The following EPHX2 variants were observed in gnomAD, a reference collection of about 807,000 sequenced individuals.
The protein encoded by EPHX2 is epoxide hydrolase 2.
In EPHX2, 74 loss-of-function variants were observed where a neutral mutation model predicts 78.7. The ratio of observed to expected loss-of-function variants is 0.94; its 90% CI spans 0.78 to 1.14. EPHX2 has a LOEUF of 1.14. EPHX2 is among the 50% of genes most tolerant of loss of function. The probability of loss-of-function intolerance (pLI) is 0.00; values close to 1 mark genes in which losing one functional copy is unlikely to be tolerated. For missense variants in EPHX2, 715 were observed against 702.5 expected (o/e 1.02, Z -0.20); for synonymous variants, 251 against 255.2 (o/e 0.98, Z 0.16).
intron 11 of EPHX2, among the ~76,000 whole-genome samples, 183 bp from the exon 12 acceptor site, chr8:27,525,179 C>A (rs1007831223): frequency 6.6e-6 from 1 of 150,874 alleles, no homozygotes; most frequent in African/African-American, 2.4e-5. Context: ...AGGAAAAAAA[C>A]CAATGGACTA....
At chr8:27,526,373 C>G (rs1205088855) in intron 12 of EPHX2, among the ~76,000 whole-genome samples, 1 of 152,232 alleles carries the variant, frequency 6.6e-6, no homozygotes, top group Admixed American at 6.5e-5. Flanking sequence ...TTGAAGAGAC[C>G]TCGACATGTC....
rs370696658 is a variant in EPHX2, at chr8:27,518,013, A to T, written c.911-25A>T. The T allele has an allele frequency of 1.7e-5, 26 of 1,557,860 alleles. No homozygotes were observed. The African/African-American group carries it at 3.3e-4, about 20-fold the overall frequency. ...ATATTTTAAGTAACGTGAATTAAAT[A>T]TGTTTCTTTTATTTTTAATTGCAGA... On this transcript the variant is annotated intron_variant, in intron 8 of 18. Coordinates refer to ENST00000521400, the MANE Select transcript of EPHX2 (RefSeq NM_001979.6).
At chr8:27,496,620 C>T (rs545342500) in intron 1 of EPHX2, among the ~76,000 whole-genome samples, 137 of 152,308 alleles carry the variant, frequency 9.0e-4, no homozygotes, top group African/African-American at 3.2e-3. Flanking sequence ...ACTGAACGTT[C>T]GGTTTTTGTA....
chr8:27,503,712 A>G lies in EPHX2; in HGVS notation c.295A>G (p.Arg99Gly), dbSNP rs1326035661. Residue 99 changes from arginine to glycine, a missense_variant, in exon 3 of 19, where the codon AGA becomes GGA. Transcript: ENST00000521400. The stretch of plus-strand genomic sequence containing the variant: ...AATCTTTGACAAGGCGATTTCAGCC[A>G]GAAAGATCAACCGCCCCATGCTCCA... Reference protein sequence around the residue: ...KEIFDKAISARKINRPMLQAA... With the variant: ...KEIFDKAISAGKINRPMLQAA... 4 of 1,613,744 alleles carry G rather than the reference A, an allele frequency of 2.5e-6. No homozygotes were observed. In the African/African-American group the frequency reaches 5.3e-5, roughly 22 times the overall value.
At chr8:27,540,491 C>A in intron 14 of EPHX2, 63 bp from the exon 15 acceptor site, 2 of 1,460,980 alleles carry the variant, frequency 1.4e-6, no homozygotes, top group South Asian at 2.3e-5. Flanking sequence ...AATGAGGTCC[C>A]CACCTTAAAA....
At chr8:27,545,805 G>A (rs1358856027), downstream of EPHX2, among the ~76,000 whole-genome samples, 2 of 152,284 alleles carry the variant, frequency 1.3e-5, no homozygotes, top group South Asian at 2.1e-4. Context: ...GCATGAGTTG[G>A]CCAGGTCACA....
At position 27,505,601 on chromosome 8, in the gene EPHX2, G is replaced by A. The variant is rs193201593; in HGVS notation, c.537+455G>A. Among the ~76,000 whole-genome samples, 308 of 152,280 alleles carry A rather than the reference G, an allele frequency of 2.0e-3. 2 individuals carry two copies. In the Middle Eastern group the frequency reaches 0.034, roughly 17 times the overall value. On this transcript the variant is annotated intron_variant, in intron 4 of 18. Transcript: ENST00000521400. ...TGTCCTAAAGCTCTTTTCTCTTTGTGTGTCTCTACTTTAATCTACAAAAGG... is the reference window on the plus strand; with the variant it reads ...TGTCCTAAAGCTCTTTTCTCTTTGTATGTCTCTACTTTAATCTACAAAAGG...
At chr8:27,514,334 G>C (rs528842715) in intron 6 of EPHX2, among the ~76,000 whole-genome samples, 1 of 152,200 alleles carries the variant, frequency 6.6e-6, no homozygotes, top group Non-Finnish European at 1.5e-5. Flanking sequence ...GAAACTTCCA[G>C]TGTGGGGCAC....
chr8:27,527,203 C>T (rs1238064126), intron 12 of EPHX2, among the ~76,000 whole-genome samples: 10 of 151,966 alleles, frequency 6.6e-5, no homozygotes, highest in East Asian at 1.9e-4. Context: ...ATGATCTGCC[C>T]GCCTCGGCCT....
At position 27,544,631 on chromosome 8, in the gene EPHX2, T is replaced by G. The variant is rs538556998; in HGVS notation, c.*109T>G. 1.7e-4 allele frequency: 188 copies of G among 1,138,678 alleles called. No homozygotes were observed. Among genetic ancestry groups the G allele is most frequent in the Non-Finnish European group, 2.2e-4 (170 of 758,694 alleles). The allele number at this position is 1,138,678 out of a possible 1,614,324, so 70.5% of individuals were successfully genotyped here. On this transcript the variant is annotated 3_prime_UTR_variant, in exon 19 of 19. Coordinates refer to ENST00000521400, the MANE Select transcript of EPHX2 (RefSeq NM_001979.6). ...CACACATCTTGCATGGATGGCAGCA[T>G]TGTTCTGAAGGGGTTTGCAGAAAAA...
chr8:27,513,674 A>G (rs1814338703), intron 6 of EPHX2, among the ~76,000 whole-genome samples: 1 of 152,178 alleles, frequency 6.6e-6, no homozygotes, highest in Non-Finnish European at 1.5e-5. Flanking sequence ...TAACACAGAA[A>G]AAAAATGAGA....
rs114724192 is a variant in EPHX2 at position 27,531,570 on chromosome 8, C to T, written c.1171-5214C>T. 2.1e-3 allele frequency among the ~76,000 whole-genome samples: 323 copies of T among 152,264 alleles called. 1 individual carries two copies. The highest frequency in any genetic ancestry group is 7.1e-3 in the African/African-American group (293 of 41,558). On this transcript the variant is annotated intron_variant, in intron 12 of 18. Transcript: ENST00000521400. ...TTGGAGTCATTTTTGTCAAGGTAGA[C>T]GGAGCATGAAACAGAGTCACTGGCC...
downstream of EPHX2, among the ~76,000 whole-genome samples, chr8:27,545,993 C>T (rs894980936): frequency 5.3e-5 from 8 of 152,068 alleles, no homozygotes; most frequent in Admixed American, 5.2e-4. Context: ...TTGCCCAGGA[C>T]TGCTTGGCTA....
At chr8:27,507,104 C>A in intron 5 of EPHX2, 110 bp downstream of exon 5, 2 of 1,398,184 alleles carry the variant, frequency 1.4e-6, no homozygotes, top group Non-Finnish European at 1.9e-6. Context: ...ATGAATGACT[C>A]CTGGGCACCG....
intron 12 of EPHX2, among the ~76,000 whole-genome samples, chr8:27,526,000 G>A (rs1814833676): frequency 6.6e-6 from 1 of 152,200 alleles, no homozygotes; most frequent in Non-Finnish European, 1.5e-5. Context: ...AGGAGTCAAC[G>A]TCACCTGGCC....
At position 27,543,830 on chromosome 8, in the gene EPHX2, G is replaced by A; in HGVS notation, c.1530+1G>A. 1 of 1,614,176 alleles carries A rather than the reference G, an allele frequency of 6.2e-7. No homozygotes were observed. Among genetic ancestry groups the A allele is most frequent in the Non-Finnish European group, 8.5e-7 (1 of 1,180,018 alleles). ...GATGTCCCAGCACATGGAGGACTGGGTGAGGGAATGGCCCTGTACAAGGGT... is the reference window on the plus strand; with the variant it reads ...GATGTCCCAGCACATGGAGGACTGGATGAGGGAATGGCCCTGTACAAGGGT... On this transcript the variant is annotated splice_donor_variant, in intron 17 of 18. Coordinates refer to ENST00000521400, the MANE Select transcript of EPHX2 (RefSeq NM_001979.6). LOFTEE classifies it high-confidence loss of function.
chr8:27,535,269 C>T (rs185079502), intron 12 of EPHX2, among the ~76,000 whole-genome samples: 9 of 152,120 alleles, frequency 5.9e-5, no homozygotes, highest in Admixed American at 2.0e-4. Flanking sequence ...CTCTGCCTCC[C>T]GGGTCCAAGT....
At chr8:27,515,926 CTCCAA>C in intron 7 of EPHX2, 113 bp downstream of exon 7, 1 of 937,416 alleles carries the variant, frequency 1.1e-6, no homozygotes. Context: ...GGAGCATTGT[CTCCAA>C]AGTGTGACCA....
At position 27,507,111 on chromosome 8, in the gene EPHX2, A is replaced by G. The variant is rs1408733069; in HGVS notation, c.660+117A>G. ...TGGAGTCCATGAATGACTCCTGGGC[A>G]CCGCTGGTTGGGAGTCCATCACCCA... On this transcript the variant is annotated intron_variant, in intron 5 of 18. Transcript: ENST00000521400. 5 of 1,353,590 alleles carry G rather than the reference A, an allele frequency of 3.7e-6. No homozygotes were observed. The African/African-American group carries it at 4.4e-5, about 12-fold the overall frequency. 83.8% of individuals were successfully genotyped at this position (1,353,590 alleles called of 1,614,324 possible). A position where few individuals can be genotyped will look rare whatever the true frequency, so the allele number is the denominator to read the frequency against.
Sources: gnomAD v4.1 joint callset for allele counts (sites outside exome capture counted in the v4.1 genomes callset) on GRCh38, gnomAD v4.1.1 for gene constraint, MANE v1.5 for transcripts, NCBI Gene and HGNC (gene_info 2026-07-23, HGNC 2026-07-21) for gene names.